Variants in KALRN observed in about 807,000 individuals in gnomAD.
KALRN encodes the protein kalirin.
Under a neutral mutation model 353.7 loss-of-function variants are expected in KALRN, and 70 were observed. The ratio of observed to expected loss-of-function variants is 0.20; its 90% confidence interval spans 0.16 to 0.24. The LOEUF is 0.24. KALRN is among the 10% of genes least tolerant of loss of function. KALRN has a pLI of 1.00. For synonymous variants in KALRN, 1,391 were observed against 1,434.8 expected (o/e 0.97, Z 0.69); for missense variants, 2,791 against 3,756.7 (o/e 0.74, Z 6.72).
chr3:124,312,223 C>T (rs1284461960), intron 6 of KALRN, among the ~76,000 whole-genome samples: 9 of 152,144 alleles, frequency 5.9e-5, no homozygotes, highest in African/African-American at 1.7e-4. Context: ...TGCAGTGGGG[C>T]GATCTCGGCT....
At chr3:124,104,919 G>A (rs1345709504) in intron 1 of KALRN, among the ~76,000 whole-genome samples, 2 of 152,140 alleles carry the variant, frequency 1.3e-5, no homozygotes, top group East Asian at 1.9e-4. Flanking sequence ...GCACAAAGTG[G>A]GTTGAAGGGG....
chr3:124,715,101 A>G (rs992645401), intron 58 of KALRN, among the ~76,000 whole-genome samples: 1 of 152,290 alleles, frequency 6.6e-6, no homozygotes, highest in Middle Eastern at 3.4e-3. Flanking sequence ...CAATAGATAG[A>G]TAAATGGATG....
In KALRN at chr3:124,455,252, G is replaced by A; in HGVS notation, c.3628G>A (p.Glu1210Lys). Residue 1210 changes from glutamate (E) to lysine (K), a missense_variant, in exon 22 of 60, where the codon GAG (glutamate) becomes AAG (lysine). This residue lies in a region of KALRN where 268 missense variants were observed against 347.0 expected (regional missense o/e 0.77). Transcript: ENST00000682506. ...GGAAAAAGGCCACATTCATGCCACG[G>A]AGATAAGGAAATGGGTGACCACGGT... is the stretch of plus-strand genomic sequence containing the variant. ...FVEKGHIHAT[E>K]IRKWVTTVDK... The A allele has an allele frequency of 6.2e-7, 1 of 1,614,178 alleles. No homozygotes were observed. Among genetic ancestry groups the A allele is most frequent in the Non-Finnish European group, 8.5e-7 (1 of 1,180,014 alleles).
intron 51 of KALRN, among the ~76,000 whole-genome samples, chr3:124,684,887 C>G (rs968959356): frequency 1.3e-5 from 2 of 152,102 alleles, no homozygotes; most frequent in Non-Finnish European, 2.9e-5. Flanking sequence ...CTACAGTTCC[C>G]TGGCCCGCCT....
At chr3:124,382,942 A>G (rs2087622920) in intron 10 of KALRN, among the ~76,000 whole-genome samples, 1 of 152,140 alleles carries the variant, frequency 6.6e-6, no homozygotes, top group African/African-American at 2.4e-5. Flanking sequence ...TCCAGAATTG[A>G]CATACCCTGC....
intron 36 of KALRN, 94 bp downstream of exon 36, chr3:124,634,047 A>G (rs772051095): frequency 2.7e-4 from 242 of 894,610 alleles, no homozygotes; most frequent in Non-Finnish European, 4.0e-4. Flanking sequence ...TCTTTCTCCC[A>G]TGTTATCTCG....
intron 1 of KALRN, among the ~76,000 whole-genome samples, chr3:124,127,347 A>T (rs2064804202): frequency 1.3e-5 from 2 of 152,168 alleles, no homozygotes; most frequent in Non-Finnish European, 2.9e-5. Flanking sequence ...GAGACCAATT[A>T]TACTGTCAGA....
intron 34 of KALRN, among the ~76,000 whole-genome samples, chr3:124,614,139 C>A (rs963313050): frequency 2.6e-5 from 4 of 152,044 alleles, no homozygotes; most frequent in Non-Finnish European, 4.4e-5. Context: ...CCCACAAAGG[C>A]TAAAATGAAC....
intron 49 of KALRN, chr3:124,675,020 A>T (rs1480556187): frequency 6.6e-6 from 1 of 151,422 alleles, no homozygotes; most frequent in African/African-American, 2.4e-5. Context: ...ATATATATAT[A>T]TATTTTTGAT....
chr3:124,524,984 T>G (rs2067465279), intron 33 of KALRN, among the ~76,000 whole-genome samples: 1 of 152,232 alleles, frequency 6.6e-6, no homozygotes, highest in Non-Finnish European at 1.5e-5. Context: ...TAGATTGGGC[T>G]TCGTGAATAG....
chr3:124,512,929 G>A (rs747418474), intron 33 of KALRN, among the ~76,000 whole-genome samples: 6 of 152,042 alleles, frequency 3.9e-5, no homozygotes, highest in African/African-American at 4.8e-5. Context: ...AGACCAGAAA[G>A]GAACAAGATT....
intron 3 of KALRN, among the ~76,000 whole-genome samples, chr3:124,248,362 G>A (rs534417820): frequency 3.9e-5 from 6 of 152,230 alleles, no homozygotes; most frequent in Non-Finnish European, 7.3e-5. Flanking sequence ...TCTGTCCGGG[G>A]CTGTGACCAC....
rs184952760 is a variant in KALRN at position 124,612,684 on chromosome 3, C to T, written c.5183-19736C>T. Among the ~76,000 whole-genome samples the T allele has an allele frequency of 7.9e-5, 12 of 152,150 alleles. No individual in the cohort carries two copies. In the East Asian group the frequency reaches 2.3e-3, roughly 29 times the overall value. On this transcript the variant is annotated intron_variant, in intron 34 of 59. Transcript: ENST00000682506. ...GTTCAATACTACTGGAAATTTTTCT[C>T]ATTCATTTGTTAGTTTCTTATCTGA...
At chr3:124,364,285 G>T (rs567922691) in intron 10 of KALRN, among the ~76,000 whole-genome samples, 31 of 152,352 alleles carry the variant, frequency 2.0e-4, no homozygotes, top group African/African-American at 7.5e-4. Context: ...CTCTTGGCCT[G>T]TGAATGTCAG....
At chr3:124,697,469 TGGA>T in intron 54 of KALRN, 121 bp from the exon 55 acceptor site, 1 of 912,516 alleles carries the variant, frequency 1.1e-6, no homozygotes, top group Admixed American at 3.2e-5. Context: ...TGCCACTTGG[TGGA>T]GAAGGTCACA....
chr3:124,048,257 T>C (rs1361712455), intron 1 of KALRN, among the ~76,000 whole-genome samples: 1 of 152,208 alleles, frequency 6.6e-6, no homozygotes, highest in African/African-American at 2.4e-5. Context: ...AAAACAAAAG[T>C]ATAAGATATA....
intron 1 of KALRN, among the ~76,000 whole-genome samples, chr3:124,062,209 G>A (rs2042045100): frequency 6.6e-6 from 1 of 152,140 alleles, no homozygotes; most frequent in African/African-American, 2.4e-5. Context: ...TTGGACTTAT[G>A]TGGCCTTCTG....
At chr3:124,628,841 CTG>C (rs2080413450) in intron 34 of KALRN, among the ~76,000 whole-genome samples, 1 of 142,266 alleles carries the variant, frequency 7.0e-6, no homozygotes, top group Non-Finnish European at 1.5e-5. Flanking sequence ...CTGGCCACTT[CTG>C]CCTCCCAAAA....
intron 57 of KALRN, among the ~76,000 whole-genome samples, chr3:124,709,992 A>G (rs1305423460): frequency 6.6e-6 from 1 of 152,260 alleles, no homozygotes; most frequent in Non-Finnish European, 1.5e-5. Context: ...CAACATTACC[A>G]GCAACAATAG....
Sources: allele counts gnomAD v4.1 joint callset (sites outside exome capture counted in the v4.1 genomes callset), GRCh38; gene constraint gnomAD v4.1.1; regional missense constraint gnomAD v4.1.1; transcripts MANE v1.5; gene names NCBI Gene and HGNC (gene_info 2026-07-23, HGNC 2026-07-21).